The following DLGAP1 variants were observed in gnomAD, a reference collection of about 807,000 sequenced individuals.
DLGAP1 encodes DLG associated protein 1, also known as disks large-associated protein 1.
A neutral mutation model predicts 90.8 loss-of-function variants in DLGAP1; 11 were observed. The observed-to-expected ratio is 0.12, with a 90% confidence interval of 0.08 to 0.20. The LOEUF is 0.20. Among genes scored for constraint, DLGAP1 ranks in the 10% least tolerant of loss-of-function variants. DLGAP1 has a pLI of 1.00. For synonymous variants in DLGAP1, 558 were observed against 540.7 expected, an observed-to-expected ratio of 1.03 and a Z score of -0.44; for missense variants, 1,050 against 1,333.8, an observed-to-expected ratio of 0.79 and a Z score of 3.31.
chr18:4,011,061 T>A (rs11081087), intron 2 of DLGAP1, among the ~76,000 whole-genome samples: 38,938 of 150,472 alleles, frequency 0.26, 6,017 homozygotes, highest in African/African-American at 0.44. Context: ...CTGTAATCCC[T>A]GCTACTCGGG....
intron 1 of DLGAP1, among the ~76,000 whole-genome samples, chr18:4,405,059 G>A (rs7234975): frequency 0.3 from 46,150 of 152,104 alleles, 7,386 homozygotes; most frequent in Admixed American, 0.36. Context: ...TTAAGTTTAA[G>A]TACATTCAAT....
intron 1 of DLGAP1, among the ~76,000 whole-genome samples, chr18:4,392,558 AAG>A (rs2082360497): frequency 6.6e-6 from 1 of 152,190 alleles, no homozygotes; most frequent in South Asian, 2.1e-4. Context: ...AACTAGTTAA[AAG>A]AGAGTGCTGC....
intron 4 of DLGAP1, among the ~76,000 whole-genome samples, chr18:3,832,651 C>T (rs528285177): frequency 5.5e-4 from 83 of 150,990 alleles, no homozygotes; most frequent in Non-Finnish European, 1.1e-3. Flanking sequence ...TGTGTTGGAA[C>T]GGCCACAGAG....
chr18:3,974,754 A>G (rs1378545798), intron 3 of DLGAP1, among the ~76,000 whole-genome samples: 1 of 152,214 alleles, frequency 6.6e-6, no homozygotes, highest in Non-Finnish European at 1.5e-5. Context: ...AGAGGACAGT[A>G]TAAGACTCAC....
At position 4,376,214 on chromosome 18, in the gene DLGAP1, C is replaced by G. The variant is rs1477306333; in HGVS notation, c.-267+78792G>C. Among the ~76,000 whole-genome samples the G allele has an allele frequency of 9.9e-5, 15 of 152,276 alleles. No homozygotes were observed. The East Asian group carries it at 2.5e-3, about 25-fold the overall frequency. On this transcript the variant is annotated intron_variant, in intron 1 of 12. Transcript: ENST00000315677. ...AGGCACCAACCAGCTGTTAATGTCA[C>G]TGGGCTCTCCTATGCAACTTACAAA... is the stretch of plus-strand genomic sequence containing the variant.
rs565554575 is a variant in DLGAP1 at position 4,328,778 on chromosome 18, T to A, written c.-267+126228A>T. 3.3e-5 allele frequency among the ~76,000 whole-genome samples: 5 copies of A among 152,100 alleles called. No homozygotes were observed. The East Asian group carries it at 9.7e-4, about 29-fold the overall frequency. ...TGTCTCATTGTGATTTCCATTTGCA[T>A]TTCTCTAATTACTAACGATGTTGAG... On this transcript the variant is annotated intron_variant, in intron 1 of 12. Coordinates refer to ENST00000315677, the MANE Select transcript of DLGAP1 (RefSeq NM_004746.4).
At chr18:3,549,506 T>C (rs2053254995) in intron 9 of DLGAP1, among the ~76,000 whole-genome samples, 1 of 152,134 alleles carries the variant, frequency 6.6e-6, no homozygotes, top group Non-Finnish European at 1.5e-5. Context: ...CTAATTTTTG[T>C]ATTTTTAGTA....
At chr18:3,941,367 G>A (rs2072764579) in intron 3 of DLGAP1, among the ~76,000 whole-genome samples, 1 of 152,180 alleles carries the variant, frequency 6.6e-6, no homozygotes, top group Non-Finnish European at 1.5e-5. Context: ...CAGGCTGCAG[G>A]ATGTGTGACC....
chr18:4,066,461 G>A (rs1481733976), intron 2 of DLGAP1, among the ~76,000 whole-genome samples: 1 of 151,942 alleles, frequency 6.6e-6, no homozygotes, highest in Non-Finnish European at 1.5e-5. Flanking sequence ...CATCTACAAA[G>A]AACTTAAACA....
At chr18:4,299,778 C>T (rs114392892) in intron 1 of DLGAP1, among the ~76,000 whole-genome samples, 1,725 of 152,114 alleles carry the variant, frequency 0.011, 38 homozygotes, top group African/African-American at 0.039. Flanking sequence ...TAAAATATTC[C>T]CATAAACTAT....
At chr18:3,790,207 T>C (rs1225630240) in intron 5 of DLGAP1, among the ~76,000 whole-genome samples, 14 of 152,194 alleles carry the variant, frequency 9.2e-5, no homozygotes, top group African/African-American at 3.4e-4. Context: ...ATGGTGGAAC[T>C]TGGCTCTTCT....
intron 2 of DLGAP1, among the ~76,000 whole-genome samples, chr18:4,051,012 T>G (rs977536381): frequency 6.6e-6 from 1 of 152,354 alleles, no homozygotes; most frequent in Middle Eastern, 3.4e-3. Flanking sequence ...TGTTGTTATA[T>G]GTCACTTGTT....
intron 5 of DLGAP1, among the ~76,000 whole-genome samples, chr18:3,750,369 C>G (rs1414291809): frequency 6.6e-6 from 1 of 152,198 alleles, no homozygotes; most frequent in African/African-American, 2.4e-5. Flanking sequence ...CAGCCCACTG[C>G]TGATAGGCAC....
At chr18:4,314,013 CT>C (rs2080466533) in intron 1 of DLGAP1, among the ~76,000 whole-genome samples, 1 of 152,126 alleles carries the variant, frequency 6.6e-6, no homozygotes, top group Middle Eastern at 3.2e-3. Flanking sequence ...AATCAGAGAC[CT>C]TTGACTGCAA....
chr18:4,385,252 A>G (rs891747260), intron 1 of DLGAP1, among the ~76,000 whole-genome samples: 1 of 152,132 alleles, frequency 6.6e-6, no homozygotes, highest in African/African-American at 2.4e-5. Context: ...CTCAGGCAGC[A>G]TATAGATTTT....
intron 8 of DLGAP1, among the ~76,000 whole-genome samples, chr18:3,575,269 G>C (rs2055056025): frequency 6.6e-6 from 1 of 152,002 alleles, no homozygotes; most frequent in South Asian, 2.1e-4. Context: ...AGGTATTAAA[G>C]GAAATAAATA....
At position 3,700,250 on chromosome 18, in the gene DLGAP1, G is replaced by A. The variant is rs140666155; in HGVS notation, c.1591+28885C>T. Among the ~76,000 whole-genome samples, 477 of 152,284 alleles carry A rather than the reference G, an allele frequency of 3.1e-3. 1 individual carries two copies. The highest frequency in any genetic ancestry group is 0.011 in the African/African-American group (450 of 41,562). On this transcript the variant is annotated intron_variant, in intron 7 of 12. Transcript: ENST00000315677. ...GTGCTTGAAACCCAGGGCCCTGGTGGTGTAGGCACCCAAGGGAATCTCCTG... is the reference window on the plus strand; with the variant it reads ...GTGCTTGAAACCCAGGGCCCTGGTGATGTAGGCACCCAAGGGAATCTCCTG...
In DLGAP1 at chr18:3,982,341, T is replaced by C. The variant is rs77658410; in HGVS notation, c.-73+22775A>G. Among the ~76,000 whole-genome samples the C allele has an allele frequency of 5.3e-3, 813 of 151,990 alleles. 55 individuals are homozygous for C. In the East Asian group the frequency reaches 0.14, roughly 27 times the overall value. ...TCAGCTACTTCGGCACACTTATACA[T>C]GGACGTGTGCCTTCTTCAGATCACC... On this transcript the variant is annotated intron_variant, in intron 3 of 12. Coordinates refer to ENST00000315677, the MANE Select transcript of DLGAP1 (RefSeq NM_004746.4).
chr18:4,155,865 G>A (rs2076747654), intron 1 of DLGAP1, among the ~76,000 whole-genome samples: 1 of 152,162 alleles, frequency 6.6e-6, no homozygotes, highest in African/African-American at 2.4e-5. Flanking sequence ...CCTCATCCTG[G>A]CTGCTGGTTT....
Sources: allele counts gnomAD v4.1 joint callset (sites outside exome capture counted in the v4.1 genomes callset), GRCh38; gene constraint gnomAD v4.1.1; transcripts MANE v1.5; gene names NCBI Gene and HGNC (gene_info 2026-07-23, HGNC 2026-07-21).